CHTF18: variants seen among roughly 807,000 people sequenced by gnomAD.
CHTF18 encodes chromosome transmission fidelity factor 18, also known as chromosome transmission fidelity protein 18 homolog.
CHTF18 carries 151 observed loss-of-function variants against 113.4 expected under a neutral mutation model. The observed-to-expected ratio is 1.33, with a 90% CI of 1.17 to 1.52. The LOEUF (loss-of-function observed/expected upper bound fraction) is 1.52. Ranked by LOEUF, CHTF18 falls within the 40% of genes most tolerant of loss-of-function variation. CHTF18 has a pLI of 0.00. For missense variants in CHTF18, 1,982 were observed against 1,381.6 expected (o/e 1.43, Z -6.89); for synonymous variants, 916 against 598.8 (o/e 1.53, Z -7.74).
At chr16:790,712 C>T (rs1023751300) in intron 7 of CHTF18, 46 bp downstream of exon 7, 1 of 1,485,930 alleles carries the variant, frequency 6.7e-7, no homozygotes, top group East Asian at 2.3e-5. Context: ...CCTCTGTTCC[C>T]AAGATGGAAG....
Position 789,366 on chromosome 16 carries a change from T to C in CHTF18, c.437+6T>C. 1.3e-6 allele frequency: 2 copies of C among 1,578,842 alleles called. No individual in the cohort carries two copies. The highest frequency in any genetic ancestry group is 1.2e-5 in the South Asian group (1 of 84,704). ...GCAGAGCTTTGGGGCCACGGGTGTG[T>C]GGCTTGGACATGGGCGTCCCATCCC... On this transcript the variant is annotated splice_donor_region_variant and intron_variant, in intron 3 of 21. Coordinates refer to ENST00000262315, the MANE Select transcript of CHTF18 (RefSeq NM_022092.3).
chr16:797,949 A>T lies in CHTF18; in HGVS notation c.2902A>T (p.Ser968Cys). ...GGGTGTCTCCAACGCCGTGCGGCGCAGCCTGTACATCAGGGACTTGCTCTA... is the reference window on the plus strand; with the variant it reads ...GGGTGTCTCCAACGCCGTGCGGCGCTGCCTGTACATCAGGGACTTGCTCTA... ...NEGVSNAVRR[S>C]LYIRDLL The change falls in exon 22 of 22, where the codon AGC becomes TGC. Residue 968 changes from serine to cysteine, a missense_variant. Ser to Cys is a moderately radical substitution (Grantham distance 112). Transcript: ENST00000262315. The T allele has an allele frequency of 1.9e-6, 3 of 1,612,336 alleles. No individual in the cohort carries two copies. The highest frequency in any genetic ancestry group is 2.5e-6 in the Non-Finnish European group (3 of 1,179,698).
Position 790,699 on chromosome 16 carries a change from C to T in CHTF18, c.894+33C>T, listed in dbSNP as rs369895028. ...CTTGTTCTCACTCAAGTGTGGCTGG[C>T]TTCCTCTGTTCCCAAGATGGAAGAA... On this transcript the variant is annotated intron_variant, in intron 7 of 21. Transcript: ENST00000262315. 6.2e-5 allele frequency: 93 copies of T among 1,501,318 alleles called. No individual in the cohort carries two copies. In the African/African-American group the frequency reaches 9.2e-4, roughly 15 times the overall value. The allele number at this position is 1,501,318 out of a possible 1,614,324, so 93.0% of individuals were successfully genotyped here. A position where few individuals can be genotyped will look rare whatever the true frequency, so the allele number is the denominator to read the frequency against.
chr16:793,822 T>G, intron 14 of CHTF18: 1 of 643,930 alleles, frequency 1.6e-6, no homozygotes, highest in Non-Finnish European at 2.8e-6. Flanking sequence ...CCCCAGAGGG[T>G]CAGGGCAGGG....
intron 14 of CHTF18, chr16:793,540 C>G: frequency 1.7e-6 from 1 of 584,290 alleles, no homozygotes; most frequent in Admixed American, 3.0e-5. Context: ...GCGTCCCTCT[C>G]CAGGGCGCCC....
In CHTF18 at chr16:797,925, G is replaced by GACA; in HGVS notation, c.2878_2879insACA (p.Gly960delinsAspSer). On this transcript the variant is annotated protein_altering_variant, in exon 22 of 22. Transcript: ENST00000262315. The stretch of plus-strand genomic sequence containing the variant: ...CGAGGTCTGGTTCCGCTTCAACGAG[G>GACA]GTGTCTCCAACGCCGTGCGGCGCAG... The GACA allele has an allele frequency of 6.2e-7, 1 of 1,612,388 alleles. No individual in the cohort carries two copies. Among genetic ancestry groups the GACA allele is most frequent in the Non-Finnish European group, 8.5e-7 (1 of 1,179,786 alleles).
At chr16:792,150 GCAGCCCCGGCCT>G in intron 9 of CHTF18, 62 bp from the exon 10 acceptor site, 1 of 1,526,134 alleles carries the variant, frequency 6.6e-7, no homozygotes. Flanking sequence ...CGCAAATGCG[GCAGCCCCGGCCT>G]TGGGAGGCTG....
intron 15 of CHTF18, chr16:794,789 C>T (rs2042292763): frequency 6.2e-6 from 2 of 322,704 alleles, no homozygotes; most frequent in East Asian, 6.8e-5. Flanking sequence ...CTTCCTCAGG[C>T]AGTCTAAGGA....
At chr16:796,626 C>G (rs2042355385) in intron 18 of CHTF18, 91 bp from the exon 19 acceptor site, 1 of 1,406,110 alleles carries the variant, frequency 7.1e-7, no homozygotes, top group South Asian at 1.4e-5. Context: ...GGCCTTGTGG[C>G]TTTTGGGGTT....
intron 15 of CHTF18, chr16:794,818 ATCCCTTTGG>A: frequency 2.4e-6 from 1 of 411,794 alleles, no homozygotes; most frequent in Non-Finnish European, 4.5e-6. Flanking sequence ...GTGAGGCTGG[ATCCCTTTGG>A]TTCCTGGAGG....
rs376802683 is a variant in CHTF18, at chr16:795,990, C to A, written c.2369C>A (p.Ala790Asp). 1 of 1,608,728 alleles carries A rather than the reference C, an allele frequency of 6.2e-7. No individual in the cohort carries two copies. Among genetic ancestry groups the A allele is most frequent in the Admixed American group, 1.7e-5 (1 of 59,574 alleles). ...AGCACCCGTGAAAAGCAACAGCTGG[C>A]CAGCCTGGTGGGCACGATGCTCGCT... Reference protein sequence around the residue: ...LYSTREKQQLASLVGTMLAYS... With the variant: ...LYSTREKQQLDSLVGTMLAYS... The change falls in exon 18 of 22, where the codon GCC becomes GAC. Residue 790 changes from alanine (A) to aspartate (D), a missense_variant. By Grantham distance (126) the Ala-to-Asp change is moderately radical. Transcript: ENST00000262315.
chr16:796,182 G>T (rs140088105), intron 18 of CHTF18, 105 bp downstream of exon 18: 3 of 1,428,078 alleles, frequency 2.1e-6, no homozygotes, highest in East Asian at 5.0e-5. Flanking sequence ...CGGTCATGGC[G>T]TCTGGGGGTG....
In CHTF18 at chr16:794,274, G is replaced by A. The variant is rs534218697; in HGVS notation, c.1950+73G>A. On this transcript the variant is annotated intron_variant, in intron 15 of 21. Transcript: ENST00000262315. ...CCTGGGCTGTGCCCCTGCCCCTGCC[G>A]GTCCTCCCGTATGGACGGGGAGGCG... 125 of 1,545,310 alleles carry A rather than the reference G, an allele frequency of 8.1e-5. No homozygotes were observed. In the African/African-American group the frequency reaches 9.0e-4, roughly 11 times the overall value.
chr16:793,095 G>A (rs759331477), intron 13 of CHTF18, 31 bp downstream of exon 13: 4 of 1,568,164 alleles, frequency 2.6e-6, no homozygotes, highest in Non-Finnish European at 3.5e-6. Context: ...GGGTGGGGTG[G>A]GGTGGGGTCA....
Position 790,554 on chromosome 16 carries a change from A to G in CHTF18, c.782A>G (p.Gln261Arg). 1 of 1,598,102 alleles carries G rather than the reference A, an allele frequency of 6.3e-7. No individual in the cohort carries two copies. The highest frequency in any genetic ancestry group is 8.5e-7 in the Non-Finnish European group (1 of 1,173,448). ...AGGTCGGGGGAGGAGGAGGCAGCCC[A>G]GCCCTTGGGGGCCCCTGAGGAGGAG... ...SLRSGEEEAA[Q>R]PLGAPEEEPT... Residue 261 changes from glutamine to arginine, a missense_variant, in exon 7 of 22, where the codon CAG becomes CGG. Physicochemically the swap from Gln to Arg is conservative, Grantham distance 43. Coordinates refer to ENST00000262315, the MANE Select transcript of CHTF18 (RefSeq NM_022092.3).
At chr16:789,889 A>T in intron 4 of CHTF18, 174 bp downstream of exon 4, 2 of 1,359,900 alleles carry the variant, frequency 1.5e-6, no homozygotes, top group Non-Finnish European at 2.0e-6. Context: ...GCCTCCCCAC[A>T]GCAGGTTGCT....
intron 3 of CHTF18, 69 bp downstream of exon 3, chr16:789,429 C>A (rs60321359): frequency 1.0e-5 from 16 of 1,533,738 alleles, no homozygotes; most frequent in Admixed American, 5.9e-5. Flanking sequence ...CCATCCCGTG[C>A]CCTGGATGAG....
intron 14 of CHTF18, chr16:793,603 G>A: frequency 1.8e-6 from 1 of 540,988 alleles, no homozygotes; most frequent in Non-Finnish European, 3.4e-6. Flanking sequence ...CATTTGGCCT[G>A]GGCTGTGGTC....
intron 17 of CHTF18, 42 bp from the exon 18 acceptor site, chr16:795,905 A>G: frequency 6.2e-7 from 1 of 1,601,360 alleles, no homozygotes; most frequent in African/African-American, 1.3e-5. Flanking sequence ...ACACATTTGT[A>G]CAGCCTGCTC....
Sources: gnomAD v4.1 joint callset for allele counts on GRCh38, gnomAD v4.1.1 for gene constraint, MANE v1.5 for transcripts, NCBI Gene and HGNC (gene_info 2026-07-23, HGNC 2026-07-21) for gene names.